ASAP1: variants seen among roughly 807,000 people sequenced by gnomAD.
The protein encoded by ASAP1 is arf-GAP with SH3 domain, ANK repeat and PH domain-containing protein 1.
A neutral mutation model predicts 145.2 loss-of-function variants in ASAP1; 43 were observed. The ratio of observed to expected loss-of-function variants is 0.30; its 90% CI spans 0.23 to 0.38. The LOEUF is 0.38. Ranked by LOEUF, ASAP1 falls within the 10% of genes least tolerant of loss-of-function variation. ASAP1 has a pLI of 1.00. For missense variants in ASAP1, 1,018 were observed against 1,355.3 expected (o/e 0.75, Z 3.91); for synonymous variants, 546 against 515.5 (o/e 1.06, Z -0.80).
At chr8:130,103,143 T>G (rs1224573470) in intron 24 of ASAP1, among the ~76,000 whole-genome samples, 1 of 152,198 alleles carries the variant, frequency 6.6e-6, no homozygotes, top group Non-Finnish European at 1.5e-5. Flanking sequence ...GGTTCAATCT[T>G]GGTGGTTGTT....
chr8:130,292,598 G>A lies in ASAP1; in HGVS notation c.187-55604C>T, dbSNP rs142903660. ...GTTCAAGAGGTGATTATTGCAGAAC[G>A]CCATTCCTGGTCCAGATTATTCTCT... On this transcript the variant is annotated intron_variant, in intron 3 of 29. Transcript: ENST00000518721. Among the ~76,000 whole-genome samples, 524 of 152,300 alleles carry A rather than the reference G, an allele frequency of 3.4e-3. 5 individuals carry two copies. Among genetic ancestry groups the A allele is most frequent in the African/African-American group, 0.012 (505 of 41,560 alleles).
chr8:130,228,140 A>G (rs1481683681), intron 4 of ASAP1, among the ~76,000 whole-genome samples: 1 of 152,200 alleles, frequency 6.6e-6, no homozygotes, highest in East Asian at 1.9e-4. Flanking sequence ...TAGAAAAACC[A>G]AGGTCCTGAG....
chr8:130,240,564 T>C (rs1818463256), intron 3 of ASAP1, among the ~76,000 whole-genome samples: 1 of 152,144 alleles, frequency 6.6e-6, no homozygotes, highest in Admixed American at 6.6e-5. Context: ...TAATATAGGC[T>C]ATAAGATTAT....
At chr8:130,170,756 G>T (rs928337537) in intron 9 of ASAP1, among the ~76,000 whole-genome samples, 1 of 151,890 alleles carries the variant, frequency 6.6e-6, no homozygotes, top group Non-Finnish European at 1.5e-5. Flanking sequence ...TCTCGGCAGG[G>T]TCTCACTCTG....
At chr8:130,176,280 A>C (rs1458065975) in intron 9 of ASAP1, among the ~76,000 whole-genome samples, 1 of 152,242 alleles carries the variant, frequency 6.6e-6, no homozygotes, top group Non-Finnish European at 1.5e-5. Context: ...TCTTAAAAAC[A>C]AAACAAAACA....
chr8:130,354,247 T>C (rs1268629524), intron 3 of ASAP1, among the ~76,000 whole-genome samples: 1 of 152,092 alleles, frequency 6.6e-6, no homozygotes, highest in Non-Finnish European at 1.5e-5. Flanking sequence ...TAGAGAGAAA[T>C]CATTTCATCT....
At chr8:130,222,225 A>G (rs147193398) in intron 4 of ASAP1, among the ~76,000 whole-genome samples, 3 of 152,212 alleles carry the variant, frequency 2.0e-5, no homozygotes, top group Admixed American at 2.0e-4. Context: ...CAATTATTAA[A>G]TAGGTCTCTC....
In ASAP1 at chr8:130,276,128, C is replaced by T. The variant is rs76216356; in HGVS notation, c.187-39134G>A. Among the ~76,000 whole-genome samples the T allele has an allele frequency of 9.2e-5, 14 of 152,248 alleles. No individual in the cohort carries two copies. In the East Asian group the frequency reaches 1.3e-3, roughly 15 times the overall value. On this transcript the variant is annotated intron_variant, in intron 3 of 29. Transcript: ENST00000518721. ...AAAAGATGTCACAAAAAGAACCCTG[C>T]GGGCCTGACCTCTAGGTCTGGCATT...
At chr8:130,417,063 TAC>T (rs2138677836) in intron 1 of ASAP1, among the ~76,000 whole-genome samples, 2 of 150,946 alleles carry the variant, frequency 1.3e-5, no homozygotes, top group African/African-American at 4.9e-5. Context: ...CATACACACA[TAC>T]ACACATGCAA....
chr8:130,132,941 G>C (rs1275008198), intron 15 of ASAP1, among the ~76,000 whole-genome samples: 1 of 152,060 alleles, frequency 6.6e-6, no homozygotes, highest in African/African-American at 2.4e-5. Context: ...AAATTCCCCA[G>C]AGAAGATTGT....
chr8:130,170,077 G>C (rs55815182), intron 9 of ASAP1, among the ~76,000 whole-genome samples: 15,336 of 152,158 alleles, frequency 0.1, 911 homozygotes, highest in African/African-American at 0.16. Flanking sequence ...CTGTTTTGCT[G>C]TCTCCCTACA....
chr8:130,208,646 C>A (rs1816384116), intron 5 of ASAP1: 1 of 152,126 alleles, frequency 6.6e-6, no homozygotes. Flanking sequence ...CATCTTCGAT[C>A]ATCTTCCTGC....
chr8:130,381,872 C>T (rs1827785586), intron 2 of ASAP1, among the ~76,000 whole-genome samples: 1 of 152,212 alleles, frequency 6.6e-6, no homozygotes, highest in Admixed American at 6.5e-5. Flanking sequence ...TGTTCCTTGT[C>T]ACTCTCCAGG....
At chr8:130,325,757 C>T (rs1316406154) in intron 3 of ASAP1, among the ~76,000 whole-genome samples, 2 of 152,198 alleles carry the variant, frequency 1.3e-5, no homozygotes, top group Admixed American at 6.5e-5. Context: ...TTTTCCAGCA[C>T]TGTCTCTCCT....
chr8:130,127,147 G>A (rs2097576203), intron 16 of ASAP1, among the ~76,000 whole-genome samples: 1 of 152,198 alleles, frequency 6.6e-6, no homozygotes, highest in South Asian at 2.1e-4. Context: ...ATACAGAGGT[G>A]AGGGAAGGTG....
At chr8:130,409,237 G>A (rs1160871789) in intron 1 of ASAP1, among the ~76,000 whole-genome samples, 3 of 151,194 alleles carry the variant, frequency 2.0e-5, no homozygotes, top group Non-Finnish European at 4.4e-5. Flanking sequence ...ACTCCAGCCT[G>A]GGTGACAGAG....
At chr8:130,164,069 A>G (rs2097675120) in intron 11 of ASAP1, among the ~76,000 whole-genome samples, 1 of 152,190 alleles carries the variant, frequency 6.6e-6, no homozygotes, top group East Asian at 1.9e-4. Context: ...TGGAGTGGGC[A>G]AAAGATTCCT....
intron 9 of ASAP1, among the ~76,000 whole-genome samples, chr8:130,177,608 C>G (rs1320784436): frequency 6.6e-6 from 1 of 152,076 alleles, no homozygotes; most frequent in East Asian, 1.9e-4. Flanking sequence ...CTTCAATAAA[C>G]AAACTTAATC....
intron 2 of ASAP1, among the ~76,000 whole-genome samples, chr8:130,400,175 C>A (rs903055197): frequency 5.3e-5 from 8 of 152,168 alleles, no homozygotes; most frequent in African/African-American, 1.7e-4. Flanking sequence ...GGCCAGGATT[C>A]AACCACCCCT....
Sources: gnomAD v4.1 joint callset for allele counts (sites outside exome capture counted in the v4.1 genomes callset) on GRCh38, gnomAD v4.1.1 for gene constraint, MANE v1.5 for transcripts, NCBI Gene and HGNC (gene_info 2026-07-23, HGNC 2026-07-21) for gene names.